INTS1: variants seen among roughly 807,000 people sequenced by gnomAD.
INTS1 encodes integrator complex subunit 1.
Under a neutral mutation model 241.6 loss-of-function variants are expected in INTS1, and 137 were observed. The observed-to-expected ratio is 0.57, with a 90% CI of 0.49 to 0.65. The LOEUF (loss-of-function observed/expected upper bound fraction) is 0.65. INTS1 is among the 30% of genes least tolerant of loss of function. The pLI is 0.00. For missense variants in INTS1, 3,073 were observed against 3,032.2 expected (o/e 1.01, Z -0.32); for synonymous variants, 1,692 against 1,337.8 (o/e 1.26, Z -5.78).
At position 1,476,381 on chromosome 7, in the gene INTS1, C is replaced by A. The variant is rs941351935; in HGVS notation, c.5226G>T (p.Glu1742Asp). ...LISLVELILAEAETRSQDGDT... is the reference protein window; with the variant it reads ...LISLVELILADAETRSQDGDT... ...CCCCGTCCTGGCTCCGCGTCTCCGC[C>A]TCGGCCAGGATCAGCTCCACCAGGC... Residue 1742 changes from glutamate (E) to aspartate (D), a missense_variant, in exon 38 of 48, where the codon GAG (glutamate) becomes GAT (aspartate). Coordinates refer to ENST00000404767, the MANE Select transcript of INTS1 (RefSeq NM_001080453.3). The A allele has an allele frequency of 3.8e-6, 6 of 1,577,440 alleles. No homozygotes were observed. Among genetic ancestry groups the A allele is most frequent in the Non-Finnish European group, 4.3e-6 (5 of 1,166,702 alleles).
rs1447207641 is a variant in INTS1 at position 1,499,016 on chromosome 7, G to A, written c.1096C>T (p.Leu366=). ...STCGYKEVRL[L]AVQKLEMWLQ... ...CACATCTCCAGCTTCTGCACCGCCA[G>A]CAGCCGCACCTCCTTATAGCCGCAG... Residue 366 remains leucine (L), a synonymous_variant, in exon 8 of 48, where the codon CTG becomes TTG. Transcript: ENST00000404767. 4.4e-6 allele frequency: 6 copies of A among 1,364,422 alleles called. No individual in the cohort carries two copies. Among genetic ancestry groups the A allele is most frequent in the South Asian group, 1.2e-5 (1 of 82,750 alleles). The allele number at this position is 1,364,422 out of a possible 1,614,324, so 84.5% of individuals were successfully genotyped here.
intron 24 of INTS1, among the ~76,000 whole-genome samples, chr7:1,484,716 AC>A (rs1034043328): frequency 1.3e-5 from 2 of 152,082 alleles, no homozygotes; most frequent in African/African-American, 4.8e-5. Context: ...TGAACAAGGC[AC>A]CCTCACCCCC....
Position 1,474,176 on chromosome 7 carries a change from G to A in INTS1, c.5821C>T (p.Leu1941=), listed in dbSNP as rs1781602330. 3 of 1,569,300 alleles carry A rather than the reference G, an allele frequency of 1.9e-6. No individual in the cohort carries two copies. The highest frequency in any genetic ancestry group is 1.7e-5 in the Admixed American group (1 of 57,726). ...LWDCLLSFIR[L]LLNYRKSSRH... is the part of the protein sequence containing the mutation. ...GCGGCGGGAGCACACACCAGCAGCA[G>A]GCGGATGAAGGACAGAAGGCAGTCC... The change falls in exon 41 of 48, where the codon CTG becomes TTG. Residue 1941 remains leucine, a synonymous_variant. Coordinates refer to ENST00000404767, the MANE Select transcript of INTS1 (RefSeq NM_001080453.3).
Position 1,497,913 on chromosome 7 carries a change from T to C in INTS1, c.1425+499A>G, listed in dbSNP as rs1014907492. ...ACCCCTGCTTAACCGAGGGACCCAATGCACAGGAGGCGGGTCTGGGCCAGG... is the reference window on the plus strand; with the variant it reads ...ACCCCTGCTTAACCGAGGGACCCAACGCACAGGAGGCGGGTCTGGGCCAGG... On this transcript the variant is annotated intron_variant, in intron 10 of 47. Transcript: ENST00000404767. This position sits in a 1 kb window ranked among gnomAD's most constrained non-coding sequence, Gnocchi z 5.3. 2.0e-5 allele frequency among the ~76,000 whole-genome samples: 3 copies of C among 152,142 alleles called. No individual in the cohort carries two copies. The highest frequency in any genetic ancestry group is 4.4e-5 in the Non-Finnish European group (3 of 68,024).
Position 1,503,894 on chromosome 7 carries a change from G to A in INTS1, c.58+9C>T, listed in dbSNP as rs1002612418. 4 of 1,553,408 alleles carry A rather than the reference G, an allele frequency of 2.6e-6. No homozygotes were observed. Among genetic ancestry groups the A allele is most frequent in the East Asian group, 2.4e-5 (1 of 41,512 alleles). ...ACCCCCGGGCTGCAGAGCGAGGAGG[G>A]AGACGCACCTGAGGGTTTGGCCGCG... On this transcript the variant is annotated intron_variant, in intron 2 of 47. Transcript: ENST00000404767.
At position 1,481,526 on chromosome 7, in the gene INTS1, C is replaced by T. The variant is rs772699939; in HGVS notation, c.3704-38G>A. On this transcript the variant is annotated intron_variant, in intron 27 of 47. Coordinates refer to ENST00000404767, the MANE Select transcript of INTS1 (RefSeq NM_001080453.3). The surrounding 1 kb of genome is among the most constrained non-coding windows in gnomAD (Gnocchi z 6.8). ...GCGCTCCGTAACGCCACCCAAAACC[C>T]GGGCAATGCGCACTCGGGACCCCAC... The T allele has an allele frequency of 6.4e-6, 10 of 1,570,626 alleles. No homozygotes were observed. Among genetic ancestry groups the T allele is most frequent in the South Asian group, 3.5e-5 (3 of 86,370 alleles).
intron 3 of INTS1, 33 bp downstream of exon 3, chr7:1,502,868 G>C (rs987701771): frequency 6.2e-7 from 1 of 1,610,122 alleles, no homozygotes; most frequent in Non-Finnish European, 8.5e-7. Flanking sequence ...TGAGCTGAGG[G>C]GTGTTCTCGG....
At chr7:1,478,688 T>C (rs548241903) in intron 32 of INTS1, 38 bp downstream of exon 32, 296 of 1,516,732 alleles carry the variant, frequency 2.0e-4, no homozygotes, top group Non-Finnish European at 2.5e-4. Context: ...CCCTGTCCAG[T>C]GCCCCCCAGC....
intron 1 of INTS1, 43 bp downstream of exon 1, chr7:1,504,280 C>A (rs1397114611): frequency 3.5e-6 from 2 of 570,368 alleles, no homozygotes; most frequent in South Asian, 3.2e-5. Flanking sequence ...GAACCAGGCG[C>A]TCGCCCGGCA....
chr7:1,495,843 C>A (rs1213352197), intron 12 of INTS1, among the ~76,000 whole-genome samples: 1 of 152,182 alleles, frequency 6.6e-6, no homozygotes, highest in Non-Finnish European at 1.5e-5. Context: ...CCCGGACTGC[C>A]CCAAACACCA....
chr7:1,503,855 A>ACAGACCCCCC, intron 2 of INTS1, 48 bp downstream of exon 2: 1 of 1,320,632 alleles, frequency 7.6e-7, no homozygotes, highest in African/African-American at 1.6e-5. Context: ...AAAGACCCCC[A>ACAGACCCCCC]AAGACCCCCA....
chr7:1,471,001 C>T lies in INTS1; in HGVS notation c.6348-46G>A, dbSNP rs1055935674. The T allele has an allele frequency of 1.4e-5, 22 of 1,524,314 alleles. No homozygotes were observed. In the East Asian group the frequency reaches 2.5e-4, roughly 17 times the overall value. The allele number at this position is 1,524,314 out of a possible 1,614,324, so 94.4% of individuals were successfully genotyped here. On this transcript the variant is annotated intron_variant, in intron 46 of 47. Transcript: ENST00000404767. ...AGTGGGAACCTCCACCCTGTGCCCA[C>T]GCCAGACCCCCACCCGACAGGGCGA...
intron 16 of INTS1, among the ~76,000 whole-genome samples, chr7:1,490,775 T>C (rs1174005114): frequency 6.6e-6 from 1 of 152,214 alleles, no homozygotes; most frequent in Non-Finnish European, 1.5e-5. Context: ...AAAACAATCC[T>C]GGGAAAGAAC....
intron 44 of INTS1, 47 bp downstream of exon 44, chr7:1,472,226 G>T: frequency 7.1e-7 from 1 of 1,407,944 alleles, no homozygotes; most frequent in Middle Eastern, 1.8e-4. Context: ...CAGCCCCATG[G>T]GACCCAGGGC....
chr7:1,471,853 T>G, intron 44 of INTS1: 1 of 598,748 alleles, frequency 1.7e-6, no homozygotes, highest in Non-Finnish European at 3.0e-6. Flanking sequence ...AGGAGAGGGG[T>G]TGACCCCTCA....
At chr7:1,485,062 C>T in intron 24 of INTS1, 36 bp downstream of exon 24, 1 of 1,415,458 alleles carries the variant, frequency 7.1e-7, no homozygotes, top group Non-Finnish European at 9.7e-7. Flanking sequence ...CGTCCCCTCC[C>T]CAGGGCCACA....
chr7:1,481,454 C>T lies in INTS1; in HGVS notation c.3738G>A (p.Leu1246=), dbSNP rs1278554475. ...CGGGGATGCCAAACGACTGCACGAA[C>T]AGCAGCAGCTGCTGCGGCTCCAGGT... ...LQDLEPQQLL[L]FVQSFGIPVS... Residue 1246 remains leucine, a synonymous_variant, in exon 28 of 48, where the codon CTG becomes CTA. Coordinates refer to ENST00000404767, the MANE Select transcript of INTS1 (RefSeq NM_001080453.3). The surrounding 1 kb of genome is among the most constrained non-coding windows in gnomAD (Gnocchi z 6.8). The T allele has an allele frequency of 3.7e-6, 6 of 1,611,318 alleles. No individual in the cohort carries two copies. The East Asian group carries it at 6.7e-5, about 18-fold the overall frequency.
chr7:1,488,485 C>T (rs1010640686), intron 18 of INTS1, among the ~76,000 whole-genome samples: 5 of 152,070 alleles, frequency 3.3e-5, no homozygotes, highest in Non-Finnish European at 5.9e-5. Context: ...AGCAGCTGTG[C>T]CTCCCACCTC....
At position 1,478,776 on chromosome 7, in the gene INTS1, T is replaced by C. The variant is rs1017645335; in HGVS notation, c.4439A>G (p.Gln1480Arg). The C allele has an allele frequency of 1.2e-6, 2 of 1,603,054 alleles. No homozygotes were observed. The highest frequency in any genetic ancestry group is 1.7e-6 in the Non-Finnish European group (2 of 1,175,850). Residue 1480 changes from glutamine (Q) to arginine (R), a missense_variant, in exon 32 of 48, where the codon CAG (glutamine) becomes CGG (arginine). By Grantham distance (43) the Gln-to-Arg change is conservative (BLOSUM62 1). Transcript: ENST00000404767. ...PGVEGGPLRA[Q>R]LRMLASQASA... Reference sequence around the variant, plus strand: ...GGCCTGGCTGGCAAGCATCCTGAGCTGTGCCCGCAGGGGCCCGCCCTCCAC... The same window carrying C: ...GGCCTGGCTGGCAAGCATCCTGAGCCGTGCCCGCAGGGGCCCGCCCTCCAC...
Sources: gnomAD v4.1 joint callset for allele counts (sites outside exome capture counted in the v4.1 genomes callset) on GRCh38, gnomAD v4.1.1 for gene constraint, Gnocchi (gnomAD v3.1) non-coding constraint, MANE v1.5 for transcripts, NCBI Gene and HGNC (gene_info 2026-07-23, HGNC 2026-07-21) for gene names.